The following SLC17A4 variants were observed in gnomAD, a reference collection of about 807,000 sequenced individuals.
SLC17A4 encodes probable small intestine urate exporter.
A neutral mutation model predicts 52.5 loss-of-function variants in SLC17A4; 33 were observed. The ratio of observed to expected loss-of-function variants is 0.63; its 90% confidence interval spans 0.48 to 0.84. SLC17A4 has a LOEUF of 0.84. Ranked by LOEUF, SLC17A4 falls within the 40% of genes least tolerant of loss-of-function variation. SLC17A4 has a pLI of 0.00. For missense variants in SLC17A4, 585 were observed against 597.1 expected, an observed-to-expected ratio of 0.98 and a Z score of 0.21; for synonymous variants, 225 against 216.2, an observed-to-expected ratio of 1.04 and a Z score of -0.36.
chr6:25,777,888 A>G, intron 10 of SLC17A4, 38 bp from the exon 11 acceptor site: 1 of 1,537,770 alleles, frequency 6.5e-7, no homozygotes, highest in Non-Finnish European at 9.0e-7. Flanking sequence ...AAACGTAGGT[A>G]TACTTGGTTA....
chr6:25,776,853 G>A lies in SLC17A4; in HGVS notation c.1162G>A (p.Val388Ile). Residue 388 changes from valine to isoleucine, a missense_variant, in exon 10 of 12, where the codon GTC (valine) becomes ATC (isoleucine). Transcript: ENST00000377905. ...PSVILVSLPW[V>I]RSSHSMTMTF... ...CGTGATCCTCGTGTCCCTGCCCTGG[G>A]TCAGATCCAGCCACAGCATGACCAT... 2 of 1,613,942 alleles carry A rather than the reference G, an allele frequency of 1.2e-6. No individual in the cohort carries two copies. Among genetic ancestry groups the A allele is most frequent in the Non-Finnish European group, 1.7e-6 (2 of 1,179,902 alleles).
intron 2 of SLC17A4, among the ~76,000 whole-genome samples, chr6:25,765,349 C>T (rs1761921367): frequency 6.6e-6 from 1 of 152,182 alleles, no homozygotes; most frequent in South Asian, 2.1e-4. Flanking sequence ...AGGAAAAGTG[C>T]TACTAGCATC....
At chr6:25,768,598 ACTTGGGAGTCAT>A (rs1419751119) in intron 2 of SLC17A4, among the ~76,000 whole-genome samples, 4 of 152,172 alleles carry the variant, frequency 2.6e-5, no homozygotes, top group African/African-American at 9.7e-5. Context: ...CAAGCAGGGA[ACTTGGGAGTCAT>A]CTCCAGCAGT....
intron 1 of SLC17A4, among the ~76,000 whole-genome samples, chr6:25,760,797 T>G (rs1234058713): frequency 2.0e-5 from 3 of 152,208 alleles, no homozygotes; most frequent in Non-Finnish European, 4.4e-5. Context: ...TCAAGTAGTA[T>G]CTTTCTTAAA....
intron 1 of SLC17A4, among the ~76,000 whole-genome samples, chr6:25,756,913 G>A (rs1319476174): frequency 1.3e-5 from 2 of 152,168 alleles, no homozygotes; most frequent in Admixed American, 1.3e-4. Flanking sequence ...TTTAGTTCTT[G>A]TGACTGATAT....
intron 1 of SLC17A4, among the ~76,000 whole-genome samples, chr6:25,758,807 C>T (rs892256534): frequency 9.9e-5 from 15 of 152,004 alleles, no homozygotes; most frequent in Admixed American, 8.5e-4. Context: ...TAGTTTTGCT[C>T]TGATCTTGGT....
chr6:25,770,599 C>A lies in SLC17A4; in HGVS notation c.619+128C>A, dbSNP rs140770292. ...ATAGTCCTTTCCTTAAAGCACTACC[C>A]CATACTGCCTTACTTGATTGTAACT... is the stretch of plus-strand genomic sequence containing the variant. On this transcript the variant is annotated intron_variant, in intron 5 of 11. Transcript: ENST00000377905. The A allele has an allele frequency of 7.7e-5, 63 of 821,402 alleles. No individual in the cohort carries two copies. In the East Asian group the frequency reaches 1.6e-3, roughly 21 times the overall value. 50.9% of individuals were successfully genotyped at this position (821,402 alleles called of 1,614,324 possible).
At chr6:25,759,896 T>G (rs1163626019) in intron 1 of SLC17A4, among the ~76,000 whole-genome samples, 1 of 152,228 alleles carries the variant, frequency 6.6e-6, no homozygotes, top group East Asian at 1.9e-4. Context: ...TATCTGCATT[T>G]AACTATGCAA....
At chr6:25,767,681 G>A (rs1185699038) in intron 2 of SLC17A4, among the ~76,000 whole-genome samples, 10 of 152,216 alleles carry the variant, frequency 6.6e-5, no homozygotes, top group Admixed American at 6.5e-4. Context: ...GTGGTGTAAT[G>A]TGAGAAGCAG....
chr6:25,773,486 G>A, intron 7 of SLC17A4, 27 bp from the exon 8 acceptor site: 1 of 1,613,086 alleles, frequency 6.2e-7, no homozygotes, highest in Non-Finnish European at 8.5e-7. Flanking sequence ...TCTGACGGAG[G>A]GGACATTGAT....
chr6:25,780,035 A>T lies in SLC17A4; in HGVS notation c.*847A>T, dbSNP rs1055443621. 1 of 152,196 alleles carries T rather than the reference A, an allele frequency of 6.6e-6. No homozygotes were observed. 9.4% of individuals were successfully genotyped at this position (152,196 alleles called of 1,614,324 possible). A position where few individuals can be genotyped will look rare whatever the true frequency, so the allele number is the denominator to read the frequency against. ...ATTCAATTCAATGTGGAACCATTCA[A>T]CATTCACCTCATTAACCTAAAATGT... On this transcript the variant is annotated 3_prime_UTR_variant, in exon 12 of 12. Coordinates refer to ENST00000377905, the MANE Select transcript of SLC17A4 (RefSeq NM_005495.3).
chr6:25,762,735 T>A (rs1761652911), intron 2 of SLC17A4, among the ~76,000 whole-genome samples: 1 of 152,160 alleles, frequency 6.6e-6, no homozygotes, highest in African/African-American at 2.4e-5. Flanking sequence ...TTTCTCCTAA[T>A]CTCAACCATC....
chr6:25,776,116 C>G (rs1241151927), intron 8 of SLC17A4, among the ~76,000 whole-genome samples: 1 of 151,716 alleles, frequency 6.6e-6, no homozygotes, highest in East Asian at 1.9e-4. Flanking sequence ...TTGTGAGAAC[C>G]TGATTCTCCA....
chr6:25,762,120 C>A, intron 2 of SLC17A4, 67 bp downstream of exon 2: 1 of 1,352,026 alleles, frequency 7.4e-7, no homozygotes, highest in Non-Finnish European at 1.0e-6. Flanking sequence ...ACTTGTGGTA[C>A]TAAATAAAAC....
rs755863298 is a variant in SLC17A4, at chr6:25,779,160, C to T, written c.1466C>T (p.Ala489Val). ...GGCCGAGCAGATGTGCAGGACTGGG[C>T]TAAAGAGCAGACATTCACCCACCTC... ...IFGRADVQDW[A>V]KEQTFTHL is the part of the protein sequence containing the mutation. The change falls in exon 12 of 12, where the codon GCT becomes GTT. Residue 489 changes from alanine (A) to valine (V), a missense_variant. Physicochemically the swap from Ala to Val is moderately conservative, Grantham distance 64. Transcript: ENST00000377905. 1.1e-5 allele frequency: 17 copies of T among 1,613,684 alleles called. No individual in the cohort carries two copies. In the African/African-American group the frequency reaches 1.3e-4, roughly 13 times the overall value.
chr6:25,766,878 A>T (rs1762070302), intron 2 of SLC17A4, among the ~76,000 whole-genome samples: 1 of 152,208 alleles, frequency 6.6e-6, no homozygotes, highest in Non-Finnish European at 1.5e-5. Flanking sequence ...GAGACATGAC[A>T]ACTAAGTGTA....
At chr6:25,763,517 G>A (rs555016293) in intron 2 of SLC17A4, among the ~76,000 whole-genome samples, 1 of 152,266 alleles carries the variant, frequency 6.6e-6, no homozygotes, top group Admixed American at 6.5e-5. Context: ...TGGATCTTCT[G>A]TATTAGACTC....
At chr6:25,776,319 C>T (rs1451174804) in intron 8 of SLC17A4, among the ~76,000 whole-genome samples, 1 of 151,414 alleles carries the variant, frequency 6.6e-6, no homozygotes, top group Non-Finnish European at 1.5e-5. Context: ...TGTTATTACC[C>T]TTTGCCTATT....
chr6:25,775,509 C>T (rs1762835946), intron 8 of SLC17A4, among the ~76,000 whole-genome samples: 1 of 152,084 alleles, frequency 6.6e-6, no homozygotes, highest in South Asian at 2.1e-4. Context: ...ACTCATGGCT[C>T]ACTAAAGCTT....
Sources: allele counts gnomAD v4.1 joint callset (sites outside exome capture counted in the v4.1 genomes callset), GRCh38; gene constraint gnomAD v4.1.1; transcripts MANE v1.5; gene names NCBI Gene and HGNC (gene_info 2026-07-23, HGNC 2026-07-21).